Variants in KRTAP21-2 observed in about 807,000 individuals in gnomAD.
KRTAP21-2 encodes the protein keratin associated protein 21-2.
For synonymous variants in KRTAP21-2, 38 were observed against 38.6 expected (o/e 0.98, Z 0.06); for missense variants, 103 against 101.2 (o/e 1.02, Z -0.08).
rs1377287660 is a variant in KRTAP21-2, at chr21:30,747,174, C to A, written c.29G>T (p.Cys10Phe). The A allele has an allele frequency of 3.1e-6, 5 of 1,613,958 alleles. No homozygotes were observed. The highest frequency in any genetic ancestry group is 4.2e-6 in the Non-Finnish European group (5 of 1,179,904). The change falls in exon 1 of 1, where the codon TGT becomes TTT. Residue 10 changes from cysteine to phenylalanine, a missense_variant. Cys to Phe is a radical substitution (Grantham distance 205, BLOSUM62 -2). Transcript: ENST00000333892. MCCNYYRNC[C>F]GGCGYGSGWS... ...GCCAGAGCCATATCCACAGCCCCCA[C>A]AGCAGTTTCTGTAGTAGTTGCAACA...
At position 30,746,936 on chromosome 21, in the gene KRTAP21-2, G is replaced by T; in HGVS notation, c.*15C>A. ...GAGAGGTCATTGCAAAGCCAAGGAT[G>T]ACCTGTAGTGATGATTAGTAGCAAG... is the stretch of plus-strand genomic sequence containing the variant. On this transcript the variant is annotated 3_prime_UTR_variant, in exon 1 of 1. Coordinates refer to ENST00000333892, the MANE Select transcript of KRTAP21-2 (RefSeq NM_181617.3). 6.2e-7 allele frequency: 1 copy of T among 1,605,890 alleles called. No homozygotes were observed. The highest frequency in any genetic ancestry group is 1.1e-5 in the South Asian group (1 of 90,452).
In KRTAP21-2 at chr21:30,747,003, C is replaced by A; in HGVS notation, c.200G>T (p.Cys67Phe). 6.2e-7 allele frequency: 1 copy of A among 1,613,950 alleles called. No individual in the cohort carries two copies. The highest frequency in any genetic ancestry group is 8.5e-7 in the Non-Finnish European group (1 of 1,179,920). Residue 67 changes from cysteine (C) to phenylalanine (F), a missense_variant, in exon 1 of 1, where the codon TGC (cysteine) becomes TTC (phenylalanine). Physicochemically the swap from Cys to Phe is radical, Grantham distance 205 (BLOSUM62 -2). Transcript: ENST00000333892. Reference protein sequence around the residue: ...CGYGCGYSSSCCGYRPLCYRR... With the variant: ...CGYGCGYSSSFCGYRPLCYRR... ...GTAGCAAAGTGGTCGGTAGCCACAG[C>A]AGCTAGAGCTGTATCCACAGCCATA...
At position 30,747,015 on chromosome 21, in the gene KRTAP21-2, T is replaced by G; in HGVS notation, c.188A>C (p.Tyr63Ser). ...TCGGTAGCCACAGCAGCTAGAGCTGTATCCACAGCCATATCCACAGCCAGA... is the reference window on the plus strand; with the variant it reads ...TCGGTAGCCACAGCAGCTAGAGCTGGATCCACAGCCATATCCACAGCCAGA... The part of the protein sequence containing the change: ...YGSGCGYGCG[Y>S]SSSCCGYRPL... Residue 63 changes from tyrosine to serine, a missense_variant, in exon 1 of 1, where the codon TAC becomes TCC. Transcript: ENST00000333892. 2 of 1,613,474 alleles carry G rather than the reference T, an allele frequency of 1.2e-6. No individual in the cohort carries two copies. Among genetic ancestry groups the G allele is most frequent in the Non-Finnish European group, 1.7e-6 (2 of 1,179,594 alleles).
Position 30,747,017 on chromosome 21 carries a change from T to C in KRTAP21-2, c.186A>G (p.Gly62=), listed in dbSNP as rs545702314. 6 of 1,613,366 alleles carry C rather than the reference T, an allele frequency of 3.7e-6. No homozygotes were observed. The highest frequency in any genetic ancestry group is 4.5e-5 in the East Asian group (2 of 44,860). ...GGTAGCCACAGCAGCTAGAGCTGTA[T>C]CCACAGCCATATCCACAGCCAGAGC... ...GYGSGCGYGC[G]YSSSCCGYRP... Residue 62 remains glycine (G), a synonymous_variant, in exon 1 of 1, where the codon GGA becomes GGG. Transcript: ENST00000333892.
chr21:30,747,091 TACAGCCAGAGCCGTATCC>T lies in KRTAP21-2; in HGVS notation c.94_111del (p.Gly32_Cys37del), dbSNP rs1207891704. ...CCAGTTCCATAGCCAGAGCCATATC[TACAGCCAGAGCCGTATCC>T]ACAGCCATAGCCACAACCATATCCA... On this transcript the variant is annotated inframe_deletion, in exon 1 of 1. Transcript: ENST00000333892. The T allele has an allele frequency of 4.3e-6, 7 of 1,613,122 alleles. No individual in the cohort carries two copies. The highest frequency in any genetic ancestry group is 2.2e-5 in the East Asian group (1 of 44,836).
rs771729656 is a variant in KRTAP21-2 at position 30,747,014 on chromosome 21, GTATCCACAGCCA to G, written c.177_188del (p.Gly60_Tyr63del). 2 of 1,613,428 alleles carry G rather than the reference GTATCCACAGCCA, an allele frequency of 1.2e-6. No individual in the cohort carries two copies. The highest frequency in any genetic ancestry group is 3.3e-5 in the Admixed American group (2 of 59,972). The stretch of plus-strand genomic sequence containing the variant: ...GTCGGTAGCCACAGCAGCTAGAGCT[GTATCCACAGCCA>G]TATCCACAGCCAGAGCCGTATCCAC... On this transcript the variant is annotated inframe_deletion, in exon 1 of 1. Transcript: ENST00000333892.
At position 30,746,928 on chromosome 21, in the gene KRTAP21-2, C is replaced by G. The variant is rs745690124; in HGVS notation, c.*23G>C. The G allele has an allele frequency of 2.5e-6, 4 of 1,597,742 alleles. No homozygotes were observed. The Admixed American group carries it at 6.7e-5, about 27-fold the overall frequency. ...TGATCTTGGAGAGGTCATTGCAAAG[C>G]CAAGGATGACCTGTAGTGATGATTA... On this transcript the variant is annotated 3_prime_UTR_variant, in exon 1 of 1. Coordinates refer to ENST00000333892, the MANE Select transcript of KRTAP21-2 (RefSeq NM_181617.3).
At position 30,746,897 on chromosome 21, in the gene KRTAP21-2, T is replaced by G; in HGVS notation, c.*54A>C. On this transcript the variant is annotated 3_prime_UTR_variant, in exon 1 of 1. Coordinates refer to ENST00000333892, the MANE Select transcript of KRTAP21-2 (RefSeq NM_181617.3). ...GATAATGGGTAGGGGAGATTTCAAT[T>G]GAACTTGATCTTGGAGAGGTCATTG... The G allele has an allele frequency of 6.4e-7, 1 of 1,560,864 alleles. No homozygotes were observed. The highest frequency in any genetic ancestry group is 8.7e-7 in the Non-Finnish European group (1 of 1,148,222).
Position 30,746,827 on chromosome 21 carries a change from T to G in KRTAP21-2, c.*124A>C, listed in dbSNP as rs1039618681. On this transcript the variant is annotated 3_prime_UTR_variant, in exon 1 of 1. Coordinates refer to ENST00000333892, the MANE Select transcript of KRTAP21-2 (RefSeq NM_181617.3). ...CTGCCAACAGCTTCTCTTATATGCATTCAGATAGTCAGGTGACCATAGTCA... is the reference window on the plus strand; with the variant it reads ...CTGCCAACAGCTTCTCTTATATGCAGTCAGATAGTCAGGTGACCATAGTCA... 1 of 1,141,490 alleles carries G rather than the reference T, an allele frequency of 8.8e-7. No homozygotes were observed. The highest frequency in any genetic ancestry group is 1.2e-6 in the Non-Finnish European group (1 of 803,862). The allele number at this position is 1,141,490 out of a possible 1,614,324, so 70.7% of individuals were successfully genotyped here. A position where few individuals can be genotyped will look rare whatever the true frequency, so the allele number is the denominator to read the frequency against.
Position 30,746,798 on chromosome 21 carries a change from T to A in KRTAP21-2, c.*153A>T. On this transcript the variant is annotated 3_prime_UTR_variant, in exon 1 of 1. Transcript: ENST00000333892. ...ATGTGATGAAACTACTCAGTCTCCA[T>A]CCACTGCCAACAGCTTCTCTTATAT... 1 of 785,634 alleles carries A rather than the reference T, an allele frequency of 1.3e-6. No individual in the cohort carries two copies. The allele number at this position is 785,634 out of a possible 1,614,324, so 48.7% of individuals were successfully genotyped here. A position where few individuals can be genotyped will look rare whatever the true frequency, so the allele number is the denominator to read the frequency against.
At chr21:30,747,167 GC>G in the KRTAP21-2 span, 1 of 1,613,836 alleles carries the variant, frequency 6.2e-7, no homozygotes, top group Non-Finnish European at 8.5e-7. Flanking sequence ...CATATCCACA[GC>G]CCCCACAGCA....
chr21:30,746,967 T>C lies in KRTAP21-2; in HGVS notation c.236A>G (p.Tyr79Cys). Residue 79 changes from tyrosine to cysteine, a missense_variant, in exon 1 of 1, where the codon TAT (tyrosine) becomes TGT (cysteine). By Grantham distance (194) the Tyr-to-Cys change is radical (BLOSUM62 -2). Transcript: ENST00000333892. ...TAGTGATGATTAGTAGCAAGAGGAA[T>C]AGCATCTTCTGTAGCAAAGTGGTCG... Reference protein sequence around the residue: ...GYRPLCYRRCYSSCY With the variant: ...GYRPLCYRRCCSSCY 1 of 1,613,718 alleles carries C rather than the reference T, an allele frequency of 6.2e-7. No homozygotes were observed. The highest frequency in any genetic ancestry group is 8.5e-7 in the Non-Finnish European group (1 of 1,179,750).
rs1285005664 is a variant in KRTAP21-2, at chr21:30,747,085, C to G, written c.118G>C (p.Gly40Arg). Reference protein sequence around the residue: ...GCGYGSGCRYGSGYGTGCGYG... With the variant: ...GCGYGSGCRYRSGYGTGCGYG... ...CCACAGCCAGTTCCATAGCCAGAGC[C>G]ATATCTACAGCCAGAGCCGTATCCA... The change falls in exon 1 of 1, where the codon GGC (glycine) becomes CGC (arginine). Residue 40 changes from glycine to arginine, a missense_variant. Transcript: ENST00000333892. The G allele has an allele frequency of 6.2e-7, 1 of 1,613,792 alleles. No individual in the cohort carries two copies. The highest frequency in any genetic ancestry group is 1.7e-5 in the Admixed American group (1 of 59,952).
rs200729885 is a variant in KRTAP21-2, at chr21:30,747,210, G to T, written c.-8C>A. ...GTAGTAGTTGCAACACATGATTTCA[G>T]GAGGTTAGATTTCAGTTGAGGTGTA... On this transcript the variant is annotated 5_prime_UTR_variant, in exon 1 of 1. In the 5' UTR this introduces an upstream ATG that the reference lacks. Coordinates refer to ENST00000333892, the MANE Select transcript of KRTAP21-2 (RefSeq NM_181617.3). The T allele has an allele frequency of 1.2e-6, 2 of 1,610,956 alleles. No homozygotes were observed. The highest frequency in any genetic ancestry group is 2.2e-5 in the South Asian group (2 of 90,970).
rs750465787 is a variant in KRTAP21-2 at position 30,747,106 on chromosome 21, A to T, written c.97T>A (p.Tyr33Asn). Reference sequence around the variant, plus strand: ...GAGCCATATCTACAGCCAGAGCCGTATCCACAGCCATAGCCACAACCATAT... The same window carrying T: ...GAGCCATATCTACAGCCAGAGCCGTTTCCACAGCCATAGCCACAACCATAT... The part of the protein sequence containing the change: ...CGYGCGYGCG[Y>N]GSGCRYGSGY... Residue 33 changes from tyrosine to asparagine, a missense_variant, in exon 1 of 1, where the codon TAC (tyrosine) becomes AAC (asparagine). Tyr to Asn is a moderately radical substitution (Grantham distance 143). Coordinates refer to ENST00000333892, the MANE Select transcript of KRTAP21-2 (RefSeq NM_181617.3). The T allele has an allele frequency of 6.2e-7, 1 of 1,613,992 alleles. No individual in the cohort carries two copies. The highest frequency in any genetic ancestry group is 1.1e-5 in the South Asian group (1 of 91,086).
rs1330153319 is a variant in KRTAP21-2, at chr21:30,747,199, A to G, written c.4T>C (p.Cys2Arg). ...CAGCAGTTTCTGTAGTAGTTGCAAC[A>G]CATGATTTCAGGAGGTTAGATTTCA... M[C>R]CNYYRNCCGG... Residue 2 changes from cysteine to arginine, a missense_variant, in exon 1 of 1, where the codon TGT becomes CGT. Transcript: ENST00000333892. 6.2e-7 allele frequency: 1 copy of G among 1,612,480 alleles called. No individual in the cohort carries two copies. The highest frequency in any genetic ancestry group is 8.5e-7 in the Non-Finnish European group (1 of 1,178,696).
chr21:30,747,039 GAGCCGTATCCACAGCCAT>G lies in KRTAP21-2; in HGVS notation c.146_163del (p.Tyr49_Gly54del). On this transcript the variant is annotated inframe_deletion, in exon 1 of 1. Transcript: ENST00000333892. ...GTATCCACAGCCATATCCACAGCCA[GAGCCGTATCCACAGCCAT>G]AGCCACAGCCAGTTCCATAGCCAGA... The G allele has an allele frequency of 2.5e-6, 4 of 1,613,392 alleles. No individual in the cohort carries two copies. The highest frequency in any genetic ancestry group is 2.2e-5 in the South Asian group (2 of 91,028).
chr21:30,747,024 C>A lies in KRTAP21-2; in HGVS notation c.179G>T (p.Gly60Val). ...GCGYGSGCGYGCGYSSSCCGY... is the reference protein window; with the variant it reads ...GCGYGSGCGYVCGYSSSCCGY... ...ACAGCAGCTAGAGCTGTATCCACAG[C>A]CATATCCACAGCCAGAGCCGTATCC... is the stretch of plus-strand genomic sequence containing the variant. Residue 60 changes from glycine to valine, a missense_variant, in exon 1 of 1, where the codon GGC (glycine) becomes GTC (valine). By Grantham distance (109) the Gly-to-Val change is moderately radical. Transcript: ENST00000333892. The A allele has an allele frequency of 1.9e-6, 3 of 1,613,574 alleles. No homozygotes were observed. The highest frequency in any genetic ancestry group is 2.5e-6 in the Non-Finnish European group (3 of 1,179,616).
Position 30,747,256 on chromosome 21 carries a change from G to A in KRTAP21-2, c.-54C>T, listed in dbSNP as rs1983641948. 2 of 1,569,078 alleles carry A rather than the reference G, an allele frequency of 1.3e-6. No homozygotes were observed. The highest frequency in any genetic ancestry group is 1.3e-5 in the African/African-American group (1 of 74,328). Reference sequence around the variant, plus strand: ...GTGTAGGAGGATATTTCTGAAGTGTGACTGTCCTCTACTCTTCTAAGACCT... The same window carrying A: ...GTGTAGGAGGATATTTCTGAAGTGTAACTGTCCTCTACTCTTCTAAGACCT... On this transcript the variant is annotated 5_prime_UTR_variant, in exon 1 of 1. Coordinates refer to ENST00000333892, the MANE Select transcript of KRTAP21-2 (RefSeq NM_181617.3).
Sources: allele counts gnomAD v4.1 joint callset, GRCh38; gene constraint gnomAD v4.1.1; transcripts MANE v1.5; gene names NCBI Gene and HGNC (gene_info 2026-07-23, HGNC 2026-07-21).